Variants in CYTH1 observed in about 807,000 individuals in gnomAD.
The protein encoded by CYTH1 is cytohesin-1.
CYTH1 carries 18 observed loss-of-function variants against 61.8 expected under a neutral mutation model. The ratio of observed to expected loss-of-function variants is 0.29; its 90% CI spans 0.20 to 0.43. CYTH1 has a LOEUF of 0.43. Ranked by LOEUF, CYTH1 falls within the 20% of genes least tolerant of loss-of-function variation. CYTH1 has a pLI of 1.00. For missense variants in CYTH1, 336 were observed against 510.5 expected, an observed-to-expected ratio of 0.66 and a Z score of 3.29; for synonymous variants, 174 against 184.3, an observed-to-expected ratio of 0.94 and a Z score of 0.45.
chr17:78,749,923 A>G (rs1329508532), intron 1 of CYTH1, among the ~76,000 whole-genome samples: 1 of 152,200 alleles, frequency 6.6e-6, no homozygotes, highest in Non-Finnish European at 1.5e-5. Flanking sequence ...CTATTACCCA[A>G]AGAAATACCA....
intron 1 of CYTH1, among the ~76,000 whole-genome samples, chr17:78,780,681 G>A (rs1231841436): frequency 6.6e-6 from 1 of 152,044 alleles, no homozygotes; most frequent in Non-Finnish European, 1.5e-5. Flanking sequence ...GACCAGCCTG[G>A]GTAACATGGC....
In CYTH1 at chr17:78,742,990, G is replaced by A. The variant is rs565119438; in HGVS notation, c.23-33258C>T. Among the ~76,000 whole-genome samples, 17 of 152,298 alleles carry A rather than the reference G, an allele frequency of 1.1e-4. No individual in the cohort carries two copies. In the East Asian group the frequency reaches 3.1e-3, roughly 28 times the overall value. ...AGTATTTTAATGTCTACGCTTCTGT[G>A]GTGTGGTGGTGTCAGAGCTTCTGTT... On this transcript the variant is annotated intron_variant, in intron 1 of 13. Coordinates refer to ENST00000446868, the MANE Select transcript of CYTH1 (RefSeq NM_004762.6).
intron 1 of CYTH1, among the ~76,000 whole-genome samples, chr17:78,720,766 T>A (rs760947039): frequency 8.5e-5 from 13 of 152,182 alleles, no homozygotes; most frequent in Non-Finnish European, 1.5e-4. Context: ...TCCCAGCTAC[T>A]TAGGAGGCTG....
chr17:78,679,928 T>C (rs1757791113), intron 13 of CYTH1, among the ~76,000 whole-genome samples: 1 of 152,154 alleles, frequency 6.6e-6, no homozygotes, highest in Admixed American at 6.5e-5. Context: ...TCTGTGTGGG[T>C]AGCTCACTCG....
intron 1 of CYTH1, among the ~76,000 whole-genome samples, chr17:78,758,056 C>T (rs1331858133): frequency 6.6e-6 from 1 of 152,184 alleles, no homozygotes; most frequent in African/African-American, 2.4e-5. Flanking sequence ...TATCAAGAGA[C>T]TACAAAGTTA....
intron 1 of CYTH1, among the ~76,000 whole-genome samples, chr17:78,739,730 G>A (rs74802261): frequency 0.02 from 3,011 of 152,320 alleles, 41 homozygotes; most frequent in East Asian, 0.059. Context: ...CAGCACAGGA[G>A]CTGGAGACCA....
At chr17:78,765,307 C>T (rs1022329434) in intron 1 of CYTH1, among the ~76,000 whole-genome samples, 1 of 152,002 alleles carries the variant, frequency 6.6e-6, no homozygotes, top group African/African-American at 2.4e-5. Flanking sequence ...AGGTAGACCC[C>T]AAAGTCTAGG....
At chr17:78,763,369 C>A (rs1177350411) in intron 1 of CYTH1, among the ~76,000 whole-genome samples, 1 of 151,846 alleles carries the variant, frequency 6.6e-6, no homozygotes, top group East Asian at 1.9e-4. Flanking sequence ...TTGTCAAACA[C>A]CTTAATACTT....
chr17:78,700,321 T>A lies in CYTH1; in HGVS notation c.550+10A>T. The stretch of plus-strand genomic sequence containing the variant: ...GCCCATCATAAACTAGGATGAATGA[T>A]CGTATTTACCCGTGGACTGGAACAC... On this transcript the variant is annotated intron_variant, in intron 7 of 13. Coordinates refer to ENST00000446868, the MANE Select transcript of CYTH1 (RefSeq NM_004762.6). The surrounding 1 kb of genome is among the most constrained non-coding windows in gnomAD (Gnocchi z 5.1). 1.3e-6 allele frequency: 2 copies of A among 1,596,256 alleles called. No homozygotes were observed. The highest frequency in any genetic ancestry group is 1.7e-6 in the Non-Finnish European group (2 of 1,171,524).
chr17:78,722,712 A>AAAT (rs1169781598), intron 1 of CYTH1, among the ~76,000 whole-genome samples: 1 of 152,188 alleles, frequency 6.6e-6, no homozygotes, highest in Non-Finnish European at 1.5e-5. Context: ...CTGTACATTG[A>AAAT]AATATTCTCC....
intron 1 of CYTH1, among the ~76,000 whole-genome samples, chr17:78,748,434 T>C (rs2093367566): frequency 6.6e-6 from 1 of 152,194 alleles, no homozygotes; most frequent in Admixed American, 6.5e-5. Flanking sequence ...GGGACAACAA[T>C]GCCTAGGTTA....
intron 1 of CYTH1, among the ~76,000 whole-genome samples, chr17:78,763,585 A>C (rs2093437053): frequency 6.6e-6 from 1 of 152,026 alleles, no homozygotes; most frequent in Non-Finnish European, 1.5e-5. Context: ...TAATAAACTA[A>C]TAATAAAGAA....
intron 1 of CYTH1, among the ~76,000 whole-genome samples, chr17:78,755,729 C>T (rs2093398058): frequency 6.6e-6 from 1 of 151,722 alleles, no homozygotes; most frequent in Non-Finnish European, 1.5e-5. Context: ...AGCCCAGAAG[C>T]TCAAGACCAG....
intron 1 of CYTH1, among the ~76,000 whole-genome samples, chr17:78,771,474 T>C (rs1326487883): frequency 6.6e-6 from 1 of 150,952 alleles, no homozygotes; most frequent in African/African-American, 2.4e-5. Flanking sequence ...GGCTCACACC[T>C]GTAATCCCAG....
At chr17:78,714,347 C>A (rs1311262847) in intron 1 of CYTH1, among the ~76,000 whole-genome samples, 1 of 151,872 alleles carries the variant, frequency 6.6e-6, no homozygotes, top group African/African-American at 2.4e-5. Context: ...CATAAACCTA[C>A]AATATCAAAG....
intron 1 of CYTH1, among the ~76,000 whole-genome samples, chr17:78,731,224 T>C (rs2093292439): frequency 6.6e-6 from 1 of 152,040 alleles, no homozygotes; most frequent in African/African-American, 2.4e-5. Flanking sequence ...GTTTTCAGAG[T>C]CCTTCCCAGG....
chr17:78,711,314 TAC>T lies in CYTH1; in HGVS notation c.23-1584_23-1583del, dbSNP rs71365530. ...TAAATAAATAAATAATATATATATATACACACACACACACACACACACACCAG... is the reference window on the plus strand; with the variant it reads ...TAAATAAATAAATAATATATATATATACACACACACACACACACACACCAG... On this transcript the variant is annotated intron_variant, in intron 1 of 13. Transcript: ENST00000446868. Among the ~76,000 whole-genome samples, 279 of 142,470 alleles carry T rather than the reference TAC, an allele frequency of 2.0e-3. 2 individuals are homozygous for T. In the East Asian group the frequency reaches 0.022, roughly 11 times the overall value. 93.5% of individuals were successfully genotyped at this position (142,470 alleles called of 152,430 possible). A position where few individuals can be genotyped will look rare whatever the true frequency, so the allele number is the denominator to read the frequency against.
intron 12 of CYTH1, among the ~76,000 whole-genome samples, chr17:78,680,713 G>A (rs916721527): frequency 6.6e-6 from 1 of 152,166 alleles, no homozygotes; most frequent in Non-Finnish European, 1.5e-5. Context: ...CCACTCCTGC[G>A]TGCTTGCCGC....
At chr17:78,706,300 C>G (rs1325272659) in intron 3 of CYTH1, among the ~76,000 whole-genome samples, 1 of 151,762 alleles carries the variant, frequency 6.6e-6, no homozygotes, top group Non-Finnish European at 1.5e-5. Flanking sequence ...CCCACCCCAC[C>G]CCGCCCCAGC....
Sources: allele counts gnomAD v4.1 joint callset (sites outside exome capture counted in the v4.1 genomes callset), GRCh38; gene constraint gnomAD v4.1.1; non-coding constraint Gnocchi (gnomAD v3.1); transcripts MANE v1.5; gene names NCBI Gene and HGNC (gene_info 2026-07-23, HGNC 2026-07-21).